IMMP2L: variants seen among roughly 807,000 people sequenced by gnomAD.
IMMP2L encodes the protein inner mitochondrial membrane peptidase subunit 2.
Under a neutral mutation model 19.3 loss-of-function variants are expected in IMMP2L, and 18 were observed. The ratio of observed to expected loss-of-function variants is 0.93; its 90% CI spans 0.64 to 1.38. IMMP2L has a LOEUF of 1.38. Among genes scored for constraint, IMMP2L ranks in the 40% most tolerant of loss-of-function variants. The probability of loss-of-function intolerance (pLI) is 0.00; values close to 1 mark genes in which losing one functional copy is unlikely to be tolerated. For synonymous variants in IMMP2L, 76 were observed against 73.0 expected, an observed-to-expected ratio of 1.04 and a Z score of -0.21; for missense variants, 233 against 218.2, an observed-to-expected ratio of 1.07 and a Z score of -0.43.
At chr7:111,304,085 A>C (rs1381249500) in intron 3 of IMMP2L, among the ~76,000 whole-genome samples, 1 of 152,142 alleles carries the variant, frequency 6.6e-6, no homozygotes, top group East Asian at 1.9e-4. Context: ...TGAATTGAAG[A>C]AACTAATTAT....
chr7:111,344,879 C>T (rs936618477), intron 3 of IMMP2L, among the ~76,000 whole-genome samples: 24 of 151,928 alleles, frequency 1.6e-4, no homozygotes, highest in Admixed American at 5.3e-4. Context: ...GAGAACAAGT[C>T]GACAAAGTTC....
chr7:111,434,955 C>T (rs1198923089), intron 3 of IMMP2L, among the ~76,000 whole-genome samples: 1 of 151,834 alleles, frequency 6.6e-6, no homozygotes, highest in Non-Finnish European at 1.5e-5. Context: ...CAGAGAAATT[C>T]AAATTAGAAG....
intron 3 of IMMP2L, among the ~76,000 whole-genome samples, chr7:111,059,914 C>A (rs1259763779): frequency 7.4e-6 from 1 of 134,636 alleles, no homozygotes; most frequent in Non-Finnish European, 1.6e-5. Flanking sequence ...AAATTATATG[C>A]CTAATTGTGA....
intron 5 of IMMP2L, among the ~76,000 whole-genome samples, chr7:110,791,174 C>T (rs1800434860): frequency 6.6e-6 from 1 of 151,704 alleles, no homozygotes; most frequent in African/African-American, 2.4e-5. Context: ...TTTCTCCCAA[C>T]ATGCACATAA....
At chr7:110,812,021 T>C (rs1167883095) in intron 5 of IMMP2L, among the ~76,000 whole-genome samples, 1 of 152,062 alleles carries the variant, frequency 6.6e-6, no homozygotes, top group Non-Finnish European at 1.5e-5. Context: ...GCCTGTTTCA[T>C]ATGTACTCGT....
intron 2 of IMMP2L, among the ~76,000 whole-genome samples, chr7:111,506,039 G>A (rs114157127): frequency 0.015 from 2,211 of 151,788 alleles, 52 homozygotes; most frequent in African/African-American, 0.05. Context: ...CTTGGGAGGC[G>A]GGAGGATGGC....
At chr7:111,021,257 C>T (rs1826248022) in intron 3 of IMMP2L, among the ~76,000 whole-genome samples, 1 of 152,188 alleles carries the variant, frequency 6.6e-6, no homozygotes, top group African/African-American at 2.4e-5. Context: ...CGCCCTTTCT[C>T]CCTCTTCTCA....
chr7:110,731,719 T>A (rs1796286850), intron 5 of IMMP2L, among the ~76,000 whole-genome samples: 1 of 152,210 alleles, frequency 6.6e-6, no homozygotes, highest in Admixed American at 6.5e-5. Flanking sequence ...ATTCTTGACA[T>A]GCTCAAATTT....
At chr7:110,909,679 AG>A (rs1651285141) in intron 4 of IMMP2L, among the ~76,000 whole-genome samples, 1 of 152,098 alleles carries the variant, frequency 6.6e-6, no homozygotes, top group South Asian at 2.1e-4. Context: ...CTCCACTTTC[AG>A]GCCCTCTTGA....
At chr7:111,179,750 A>G (rs1807498542) in intron 3 of IMMP2L, among the ~76,000 whole-genome samples, 1 of 152,066 alleles carries the variant, frequency 6.6e-6, no homozygotes, top group Non-Finnish European at 1.5e-5. Context: ...AGGCTGTTTC[A>G]TCTATCTTGA....
At chr7:111,113,626 TG>T (rs1799503108) in intron 3 of IMMP2L, among the ~76,000 whole-genome samples, 2 of 151,430 alleles carry the variant, frequency 1.3e-5, no homozygotes. Flanking sequence ...AATAAAAAAA[TG>T]ACTTAAAAAT....
At chr7:111,170,346 T>A (rs1806296316) in intron 3 of IMMP2L, among the ~76,000 whole-genome samples, 1 of 151,796 alleles carries the variant, frequency 6.6e-6, no homozygotes, top group African/African-American at 2.4e-5. Flanking sequence ...TAAAGGCCAA[T>A]TTAAGAGCAG....
At position 111,216,588 on chromosome 7, in the gene IMMP2L, A is replaced by G. The variant is rs140179206; in HGVS notation, c.240-253023T>C. On this transcript the variant is annotated intron_variant, in intron 3 of 5. Coordinates refer to ENST00000405709, the MANE Select transcript of IMMP2L (RefSeq NM_032549.4). ...GCAATTTTAAAATGTACAGTACTCTATTATTAATTATATTCACCACACTGT... is the reference window on the plus strand; with the variant it reads ...GCAATTTTAAAATGTACAGTACTCTGTTATTAATTATATTCACCACACTGT... 1.8e-4 allele frequency among the ~76,000 whole-genome samples: 27 copies of G among 152,250 alleles called. No homozygotes were observed. In the East Asian group the frequency reaches 5.0e-3, roughly 28 times the overall value.
intron 3 of IMMP2L, among the ~76,000 whole-genome samples, chr7:111,297,221 A>ATCTGAAT (rs1563025918): frequency 6.6e-6 from 1 of 152,044 alleles, no homozygotes; most frequent in African/African-American, 2.4e-5. Context: ...TCCATATAAA[A>ATCTGAAT]CTAGTGAAAT....
At chr7:111,128,999 C>CTA (rs1801590575) in intron 3 of IMMP2L, among the ~76,000 whole-genome samples, 1 of 152,182 alleles carries the variant, frequency 6.6e-6, no homozygotes, top group African/African-American at 2.4e-5. Context: ...CCAACTTACT[C>CTA]TATCCACATT....
intron 3 of IMMP2L, among the ~76,000 whole-genome samples, chr7:110,989,829 G>T (rs1375630089): frequency 6.6e-6 from 1 of 151,762 alleles, no homozygotes; most frequent in African/African-American, 2.4e-5. Context: ...CCTTTTAAAA[G>T]AAATGTTGGC....
At chr7:110,683,810 C>T (rs1447567499) in intron 5 of IMMP2L, among the ~76,000 whole-genome samples, 1 of 152,066 alleles carries the variant, frequency 6.6e-6, no homozygotes, top group Non-Finnish European at 1.5e-5. Context: ...GCTTTGTATA[C>T]TTTCTATTGA....
intron 5 of IMMP2L, among the ~76,000 whole-genome samples, chr7:110,782,855 A>G (rs1481087844): frequency 6.6e-6 from 1 of 151,926 alleles, no homozygotes. Context: ...TGGACTAAGA[A>G]TAGAGATTCA....
chr7:111,123,108 A>T lies in IMMP2L; in HGVS notation c.240-159543T>A. ...TATCTTCAGTCACCAATATTAATGT[A>T]AAAAAGATGCCTCAGCTCCTTTCTG... is the stretch of plus-strand genomic sequence containing the variant. On this transcript the variant is annotated intron_variant, in intron 3 of 5. Transcript: ENST00000405709. The surrounding 1 kb of genome is among the most constrained non-coding windows in gnomAD (Gnocchi z 6.4). The T allele has an allele frequency of 6.2e-7, 1 of 1,613,584 alleles. No individual in the cohort carries two copies. Among genetic ancestry groups the T allele is most frequent in the Non-Finnish European group, 8.5e-7 (1 of 1,179,704 alleles).
Sources: gnomAD v4.1 joint callset for allele counts (sites outside exome capture counted in the v4.1 genomes callset) on GRCh38, gnomAD v4.1.1 for gene constraint, Gnocchi (gnomAD v3.1) non-coding constraint, MANE v1.5 for transcripts, NCBI Gene and HGNC (gene_info 2026-07-23, HGNC 2026-07-21) for gene names.